The following STEAP1B variants were observed in gnomAD, a reference collection of about 807,000 sequenced individuals.
The protein encoded by STEAP1B is STEAP family member 1B.
STEAP1B carries 13 observed loss-of-function variants against 27.9 expected under a neutral mutation model. That is an observed-to-expected ratio of 0.47 (90% CI 0.30 to 0.74). The LOEUF (loss-of-function observed/expected upper bound fraction) is 0.74, where lower values mean the gene tolerates loss of function less well. Among genes scored for constraint, STEAP1B ranks in the 30% least tolerant of loss-of-function variants. The probability of loss-of-function intolerance (pLI) is 0.06; values close to 1 mark genes in which losing one functional copy is unlikely to be tolerated. For missense variants in STEAP1B, 250 were observed against 298.7 expected (o/e 0.84, Z 1.20); for synonymous variants, 86 against 107.1 (o/e 0.80, Z 1.22).
At chr7:22,443,420 A>G (rs1007037348) in intron 4 of STEAP1B, among the ~76,000 whole-genome samples, 4 of 152,208 alleles carry the variant, frequency 2.6e-5, no homozygotes, top group Non-Finnish European at 5.9e-5. Context: ...CCTTAGAGCT[A>G]TAACAGTAAA....
At chr7:22,463,271 G>A (rs1785711844) in intron 4 of STEAP1B, among the ~76,000 whole-genome samples, 1 of 151,714 alleles carries the variant, frequency 6.6e-6, no homozygotes, top group Admixed American at 6.6e-5. Flanking sequence ...CCTCTTCAAG[G>A]AGAACTACAA....
chr7:22,494,354 T>C (rs1786400147), intron 2 of STEAP1B, among the ~76,000 whole-genome samples: 1 of 152,118 alleles, frequency 6.6e-6, no homozygotes, highest in Non-Finnish European at 1.5e-5. Flanking sequence ...TACTAGATGA[T>C]CTCTTGGTAA....
intron 4 of STEAP1B, among the ~76,000 whole-genome samples, chr7:22,428,751 C>T (rs1335767693): frequency 6.6e-6 from 1 of 151,970 alleles, no homozygotes; most frequent in Non-Finnish European, 1.5e-5. Flanking sequence ...TGCAGTGAGC[C>T]ACGGCACTCC....
intron 4 of STEAP1B, among the ~76,000 whole-genome samples, chr7:22,472,795 T>C (rs1785907429): frequency 6.6e-6 from 1 of 152,146 alleles, no homozygotes; most frequent in African/African-American, 2.4e-5. Flanking sequence ...TTCCCTGTCA[T>C]GGCAGTTGGG....
chr7:22,486,480 A>G (rs1252675554), intron 4 of STEAP1B, among the ~76,000 whole-genome samples: 4 of 152,072 alleles, frequency 2.6e-5, no homozygotes, highest in Non-Finnish European at 4.4e-5. Context: ...TTGTCGCCTT[A>G]AACTTCCTCC....
chr7:22,488,980 T>G (rs907807573), intron 4 of STEAP1B, among the ~76,000 whole-genome samples: 1 of 152,246 alleles, frequency 6.6e-6, no homozygotes, highest in Non-Finnish European at 1.5e-5. Context: ...CCGGATGCAG[T>G]ACCCTTGGAT....
intron 4 of STEAP1B, among the ~76,000 whole-genome samples, chr7:22,474,986 T>G (rs1428967578): frequency 6.6e-6 from 1 of 152,230 alleles, no homozygotes; most frequent in Non-Finnish European, 1.5e-5. Flanking sequence ...CATATGTTCT[T>G]TGAATGAGCT....
At chr7:22,461,967 T>C (rs556931734) in intron 4 of STEAP1B, among the ~76,000 whole-genome samples, 1 of 152,342 alleles carries the variant, frequency 6.6e-6, no homozygotes, top group Non-Finnish European at 1.5e-5. Context: ...ACCAGCCACG[T>C]AGTAAACGCT....
intron 4 of STEAP1B, among the ~76,000 whole-genome samples, chr7:22,482,641 G>A (rs1400655527): frequency 6.6e-6 from 1 of 152,212 alleles, no homozygotes; most frequent in African/African-American, 2.4e-5. Flanking sequence ...CACATAGGGG[G>A]AGGCAGATGC....
At chr7:22,486,047 T>C (rs1311120857) in intron 4 of STEAP1B, among the ~76,000 whole-genome samples, 1 of 152,166 alleles carries the variant, frequency 6.6e-6, no homozygotes, top group Non-Finnish European at 1.5e-5. Flanking sequence ...CGGTTGCACA[T>C]TAAGATTACC....
chr7:22,481,930 C>T (rs1392558177), intron 4 of STEAP1B, among the ~76,000 whole-genome samples: 2 of 152,216 alleles, frequency 1.3e-5, no homozygotes, highest in Non-Finnish European at 2.9e-5. Flanking sequence ...AGTCTGTTGG[C>T]ACGTGTTTCC....
intron 4 of STEAP1B, among the ~76,000 whole-genome samples, chr7:22,491,061 T>G (rs1327359832): frequency 6.6e-6 from 1 of 152,210 alleles, no homozygotes; most frequent in African/African-American, 2.4e-5. Flanking sequence ...CTTCAGCAAT[T>G]CCGTTCATTT....
At chr7:22,498,249 T>C (rs1051137485) in intron 1 of STEAP1B, among the ~76,000 whole-genome samples, 1 of 152,004 alleles carries the variant, frequency 6.6e-6, no homozygotes, top group Admixed American at 6.6e-5. Flanking sequence ...CAAGGGGGGA[T>C]GGTGTTAAAC....
chr7:22,446,548 A>C (rs1380731363), intron 4 of STEAP1B, among the ~76,000 whole-genome samples: 3 of 152,250 alleles, frequency 2.0e-5, no homozygotes, highest in African/African-American at 7.2e-5. Flanking sequence ...AAGATTTCTT[A>C]CAAGCAAGTT....
chr7:22,441,625 C>T (rs1408001930), intron 4 of STEAP1B, among the ~76,000 whole-genome samples: 6 of 152,196 alleles, frequency 3.9e-5, no homozygotes, highest in East Asian at 3.8e-4. Flanking sequence ...GAACACATGG[C>T]CCCCCACATC....
intron 4 of STEAP1B, chr7:22,438,522 T>C: frequency 3.2e-6 from 5 of 1,550,630 alleles, no homozygotes; most frequent in Non-Finnish European, 4.4e-6. Flanking sequence ...ATAACTTGTC[T>C]TTTTTATTGA....
intron 4 of STEAP1B, among the ~76,000 whole-genome samples, chr7:22,439,987 T>C (rs1181363740): frequency 1.3e-5 from 2 of 152,160 alleles, no homozygotes; most frequent in Non-Finnish European, 2.9e-5. Context: ...AGCCTTTAAA[T>C]AACTACTTGG....
intron 4 of STEAP1B, among the ~76,000 whole-genome samples, chr7:22,472,877 T>A (rs1263667008): frequency 2.6e-5 from 4 of 152,086 alleles, no homozygotes; most frequent in Non-Finnish European, 5.9e-5. Flanking sequence ...TGCTGTGTAG[T>A]AACAGTGGCT....
intron 4 of STEAP1B, among the ~76,000 whole-genome samples, chr7:22,425,572 T>G (rs1785095515): frequency 6.6e-6 from 1 of 152,240 alleles, no homozygotes; most frequent in Non-Finnish European, 1.5e-5. Flanking sequence ...CATAGTGCTC[T>G]GAACACTGTA....
Sources: gnomAD v4.1 joint callset for allele counts (sites outside exome capture counted in the v4.1 genomes callset) on GRCh38, gnomAD v4.1.1 for gene constraint, MANE v1.5 for transcripts, NCBI Gene and HGNC (gene_info 2026-07-23, HGNC 2026-07-21) for gene names.